Variants in PLCB1 observed in about 807,000 individuals in gnomAD.
The protein encoded by PLCB1 is 1-phosphatidylinositol 4,5-bisphosphate phosphodiesterase beta-1.
Under a neutral mutation model 161.8 loss-of-function variants are expected in PLCB1, and 46 were observed. That is an observed-to-expected ratio of 0.28 (90% CI 0.22 to 0.36). PLCB1 has a LOEUF of 0.36. Among genes scored for constraint, PLCB1 ranks in the 10% least tolerant of loss-of-function variants. PLCB1 has a pLI of 1.00. For synonymous variants in PLCB1, 517 were observed against 503.7 expected, an observed-to-expected ratio of 1.03 and a Z score of -0.35; for missense variants, 1,016 against 1,472.5, an observed-to-expected ratio of 0.69 and a Z score of 5.07.
intron 2 of PLCB1, among the ~76,000 whole-genome samples, chr20:8,357,257 G>A (rs1986390602): frequency 6.6e-6 from 1 of 152,190 alleles, no homozygotes. Flanking sequence ...ATGAATAAAA[G>A]TCACAGTGGG....
intron 9 of PLCB1, among the ~76,000 whole-genome samples, chr20:8,681,119 T>TATATATATATATATATAAAA (rs1485697576): frequency 1.2e-5 from 1 of 82,094 alleles, no homozygotes; most frequent in Non-Finnish European, 2.2e-5. Context: ...TATATATATA[T>TATATATATATATATATAAAA]AATATATATA....
chr20:8,522,371 C>T (rs181153657), intron 3 of PLCB1, among the ~76,000 whole-genome samples: 2 of 152,148 alleles, frequency 1.3e-5, no homozygotes, highest in African/African-American at 4.8e-5. Flanking sequence ...TTATCTATGA[C>T]ATCATCCTCA....
intron 31 of PLCB1, among the ~76,000 whole-genome samples, chr20:8,877,353 G>C (rs73605772): frequency 0.013 from 2,042 of 152,304 alleles, 50 homozygotes; most frequent in African/African-American, 0.046. Flanking sequence ...TAGGGGAAAG[G>C]TTATAAATTC....
intron 2 of PLCB1, among the ~76,000 whole-genome samples, chr20:8,289,194 G>A (rs1983269751): frequency 6.6e-6 from 1 of 152,186 alleles, no homozygotes; most frequent in South Asian, 2.1e-4. Flanking sequence ...TGCTTTATTA[G>A]TTGAGATAGT....
At chr20:8,511,330 G>A (rs1983882838) in intron 3 of PLCB1, among the ~76,000 whole-genome samples, 2 of 152,102 alleles carry the variant, frequency 1.3e-5, no homozygotes, top group African/African-American at 2.4e-5. Flanking sequence ...AGGCTGAACA[G>A]TGTATATATA....
chr20:8,343,946 A>C (rs1985903405), intron 2 of PLCB1, among the ~76,000 whole-genome samples: 1 of 152,218 alleles, frequency 6.6e-6, no homozygotes, highest in Non-Finnish European at 1.5e-5. Context: ...GTACTCGTTG[A>C]CATCAGGATT....
chr20:8,550,214 G>A (rs1306090960), intron 3 of PLCB1, among the ~76,000 whole-genome samples: 6 of 152,194 alleles, frequency 3.9e-5, no homozygotes, highest in Non-Finnish European at 8.8e-5. Flanking sequence ...TTGGGGGACT[G>A]TTGGAAGGGT....
chr20:8,199,953 C>T (rs2052074583), intron 2 of PLCB1, among the ~76,000 whole-genome samples: 1 of 152,066 alleles, frequency 6.6e-6, no homozygotes, highest in South Asian at 2.1e-4. Context: ...GAATATACTG[C>T]CTAAGTTTAC....
chr20:8,875,672 A>T (rs944253491), intron 31 of PLCB1, among the ~76,000 whole-genome samples: 6 of 151,586 alleles, frequency 4.0e-5, no homozygotes, highest in Admixed American at 3.3e-4. Context: ...CACATTATCC[A>T]GCTGCATATT....
chr20:8,208,559 C>T (rs1212433550), intron 2 of PLCB1, among the ~76,000 whole-genome samples: 1 of 151,712 alleles, frequency 6.6e-6, no homozygotes, highest in East Asian at 1.9e-4. Flanking sequence ...GGTTTATCAT[C>T]TCACTAAACA....
At chr20:8,507,611 G>A (rs941268045) in intron 3 of PLCB1, among the ~76,000 whole-genome samples, 1 of 152,116 alleles carries the variant, frequency 6.6e-6, no homozygotes, top group Non-Finnish European at 1.5e-5. Context: ...AGGATTTAAT[G>A]GACATCAGAG....
chr20:8,414,358 A>C (rs1017239195), intron 3 of PLCB1, among the ~76,000 whole-genome samples: 7 of 152,032 alleles, frequency 4.6e-5, no homozygotes, highest in Admixed American at 2.0e-4. Context: ...AAAACAAAAA[A>C]CAAACAAACA....
chr20:8,823,876 A>G (rs547397053), intron 31 of PLCB1, among the ~76,000 whole-genome samples: 5 of 151,826 alleles, frequency 3.3e-5, no homozygotes, highest in African/African-American at 1.2e-4. Flanking sequence ...ACTTTCCACC[A>G]TATCACAAGG....
At chr20:8,708,226 A>T (rs1021631663) in intron 11 of PLCB1, among the ~76,000 whole-genome samples, 1 of 152,338 alleles carries the variant, frequency 6.6e-6, no homozygotes, top group African/African-American at 2.4e-5. Flanking sequence ...ATACAAGTTG[A>T]GTATATACTG....
chr20:8,356,527 T>G (rs1348930448), intron 2 of PLCB1, among the ~76,000 whole-genome samples: 7 of 152,172 alleles, frequency 4.6e-5, no homozygotes, highest in Non-Finnish European at 8.8e-5. Context: ...TCTACGCGGT[T>G]TCTCTGAGGT....
At chr20:8,443,869 C>T (rs1485989485) in intron 3 of PLCB1, among the ~76,000 whole-genome samples, 3 of 152,202 alleles carry the variant, frequency 2.0e-5, no homozygotes, top group African/African-American at 7.2e-5. Flanking sequence ...TACCCCAATT[C>T]TTCCAGTCCA....
chr20:8,238,688 A>G (rs1294269014), intron 2 of PLCB1, among the ~76,000 whole-genome samples: 6 of 152,022 alleles, frequency 3.9e-5, no homozygotes, highest in African/African-American at 1.2e-4. Flanking sequence ...AAAAGATGAA[A>G]TAAGACAGGC....
intron 2 of PLCB1, among the ~76,000 whole-genome samples, chr20:8,316,892 A>G (rs568692510): frequency 6.6e-6 from 1 of 152,248 alleles, no homozygotes; most frequent in East Asian, 1.9e-4. Flanking sequence ...ACCTTCTCTC[A>G]TAAAAAATTT....
intron 2 of PLCB1, among the ~76,000 whole-genome samples, chr20:8,314,206 T>G (rs185923673): frequency 1.1e-4 from 17 of 152,310 alleles, no homozygotes; most frequent in Admixed American, 1.1e-3. Flanking sequence ...TAGCCATAAC[T>G]AGGAAAGTTG....
Sources: gnomAD v4.1 joint callset for allele counts (sites outside exome capture counted in the v4.1 genomes callset) on GRCh38, gnomAD v4.1.1 for gene constraint, MANE v1.5 for transcripts, NCBI Gene and HGNC (gene_info 2026-07-23, HGNC 2026-07-21) for gene names.